CIT: variants seen among roughly 807,000 people sequenced by gnomAD.
CIT encodes the protein citron rho-interacting serine/threonine kinase.
Under a neutral mutation model 272.7 loss-of-function variants are expected in CIT, and 79 were observed. The ratio of observed to expected loss-of-function variants is 0.29; its 90% CI spans 0.24 to 0.35. The LOEUF is 0.35. CIT is among the 10% of genes least tolerant of loss of function. The probability of loss-of-function intolerance (pLI) is 1.00; values close to 1 mark genes in which losing one functional copy is unlikely to be tolerated. For synonymous variants in CIT, 948 were observed against 995.6 expected (o/e 0.95, Z 0.90); for missense variants, 1,909 against 2,618.3 (o/e 0.73, Z 5.91).
intron 10 of CIT, among the ~76,000 whole-genome samples, chr12:119,785,854 A>G (rs555022908): frequency 6.6e-6 from 1 of 152,244 alleles, no homozygotes; most frequent in South Asian, 2.1e-4. Context: ...TGCTGGGATT[A>G]CAGGCTTGAG....
chr12:119,844,428 G>A (rs1969648740), intron 5 of CIT, among the ~76,000 whole-genome samples: 2 of 152,026 alleles, frequency 1.3e-5, no homozygotes, highest in Admixed American at 6.6e-5. Flanking sequence ...ACACTAAAGG[G>A]AATGAATAAA....
intron 37 of CIT, chr12:119,711,184 G>T: frequency 9.7e-7 from 1 of 1,032,590 alleles, no homozygotes. Context: ...ACTGAGTAAA[G>T]CCCTTTTCAG....
rs189457822 is a variant in CIT, at chr12:119,718,724, G to A, written c.3978C>T (p.Ile1326=). The change falls in exon 31 of 48, where the codon ATC becomes ATT. Residue 1326 remains isoleucine, a synonymous_variant. Transcript: ENST00000392521. The surrounding 1 kb of genome is among the most constrained non-coding windows in gnomAD (Gnocchi z 4.8). ...CTTCCTCCCGGGCGGACCGGAGCTC[G>A]ATGCGGGTCTTCTGAAGGGCTTCCT... ...ELEEALQKTR[I]ELRSAREEAA... 33 of 1,613,738 alleles carry A rather than the reference G, an allele frequency of 2.0e-5. No individual in the cohort carries two copies. Among genetic ancestry groups the A allele is most frequent in the East Asian group, 6.7e-5 (3 of 44,882 alleles).
chr12:119,840,956 T>C (rs1334781939), intron 5 of CIT, among the ~76,000 whole-genome samples: 1 of 152,152 alleles, frequency 6.6e-6, no homozygotes, highest in Non-Finnish European at 1.5e-5. Flanking sequence ...CACTTTCAAA[T>C]TGTTCCTATA....
chr12:119,797,137 G>A (rs552264363), intron 10 of CIT, among the ~76,000 whole-genome samples: 121 of 152,356 alleles, frequency 7.9e-4, no homozygotes, highest in Non-Finnish European at 1.5e-3. Flanking sequence ...GGAACATGTA[G>A]CGCCATTTAG....
intron 5 of CIT, among the ~76,000 whole-genome samples, chr12:119,846,274 G>C (rs982616308): frequency 6.6e-6 from 1 of 152,248 alleles, no homozygotes; most frequent in African/African-American, 2.4e-5. Context: ...ATCCTCAACT[G>C]AGTTCCTTCA....
At position 119,701,933 on chromosome 12, in the gene CIT, C is replaced by A; in HGVS notation, c.5330G>T (p.Ser1777Ile). The part of the protein sequence containing the change: ...RKEIETSEPC[S>I]CIHFTNYSIL... The stretch of plus-strand genomic sequence containing the variant: ...ACTGTAATTGGTGAAGTGGATACAG[C>A]TGCAGGGCTCTGAGGTCTCTATCTC... Residue 1777 changes from serine to isoleucine, a missense_variant, in exon 42 of 48, where the codon AGC becomes ATC. Transcript: ENST00000392521. The A allele has an allele frequency of 6.2e-7, 1 of 1,613,848 alleles. No individual in the cohort carries two copies. Among genetic ancestry groups the A allele is most frequent in the Non-Finnish European group, 8.5e-7 (1 of 1,179,780 alleles).
chr12:119,788,320 T>G (rs927658333), intron 10 of CIT, among the ~76,000 whole-genome samples: 19 of 152,206 alleles, frequency 1.2e-4, no homozygotes, highest in Admixed American at 1.2e-3. Context: ...CTATTTCCTT[T>G]ATTCCTAATT....
chr12:119,875,453 T>G (rs563455692), intron 2 of CIT, among the ~76,000 whole-genome samples: 1 of 152,222 alleles, frequency 6.6e-6, no homozygotes, highest in East Asian at 1.9e-4. Context: ...TATAAAACTC[T>G]AAATAGAGGG....
intron 5 of CIT, among the ~76,000 whole-genome samples, chr12:119,836,662 G>A (rs987323545): frequency 7.2e-5 from 11 of 152,028 alleles, no homozygotes; most frequent in East Asian, 1.9e-4. Flanking sequence ...ATGACGACAC[G>A]CCACAGTTAT....
rs1955880139 is a variant in CIT at position 119,690,504 on chromosome 12, G to A, written c.5883-50C>T. 2 of 1,495,454 alleles carry A rather than the reference G, an allele frequency of 1.3e-6. No individual in the cohort carries two copies. Among genetic ancestry groups the A allele is most frequent in the Non-Finnish European group, 1.8e-6 (2 of 1,131,502 alleles). The allele number at this position is 1,495,454 out of a possible 1,614,324, so 92.6% of individuals were successfully genotyped here. ...GAGCTGCGAGGCCACAACCCCAGAG[G>A]GGCATTTTCCTTCTTACCTGAGCAA... is the stretch of plus-strand genomic sequence containing the variant. On this transcript the variant is annotated intron_variant, in intron 46 of 47. Transcript: ENST00000392521. This position sits in a 1 kb window ranked among gnomAD's most constrained non-coding sequence, Gnocchi z 6.0.
intron 20 of CIT, among the ~76,000 whole-genome samples, chr12:119,759,929 G>A (rs981521300): frequency 2.0e-5 from 3 of 151,984 alleles, no homozygotes; most frequent in Non-Finnish European, 4.4e-5. Flanking sequence ...GCTCGTACCT[G>A]TAATCCCAGC....
intron 10 of CIT, among the ~76,000 whole-genome samples, chr12:119,793,415 T>C (rs996442421): frequency 6.6e-6 from 1 of 152,186 alleles, no homozygotes; most frequent in Non-Finnish European, 1.5e-5. Flanking sequence ...GATCCAACTC[T>C]TGTCCCTCAC....
rs759398274 is a variant in CIT at position 119,718,692 on chromosome 12, C to A, written c.4003+7G>T. ...CCTTGAGCATTTTGGAGAGAGTGAG[C>A]CCCTACCTTCCTCCCGGGCGGACCG... On this transcript the variant is annotated splice_region_variant and intron_variant, in intron 31 of 47. Coordinates refer to ENST00000392521, the MANE Select transcript of CIT (RefSeq NM_001206999.2). This position sits in a 1 kb window ranked among gnomAD's most constrained non-coding sequence, Gnocchi z 4.8. 1 of 1,612,546 alleles carries A rather than the reference C, an allele frequency of 6.2e-7. No individual in the cohort carries two copies. The highest frequency in any genetic ancestry group is 1.3e-5 in the African/African-American group (1 of 74,846).
At chr12:119,754,542 G>A (rs906956918) in intron 22 of CIT, among the ~76,000 whole-genome samples, 2 of 152,170 alleles carry the variant, frequency 1.3e-5, no homozygotes, top group South Asian at 2.1e-4. Flanking sequence ...GGAAGAACCC[G>A]GGAGCCTGCA....
chr12:119,859,542 C>T (rs543112657), intron 3 of CIT, among the ~76,000 whole-genome samples: 33 of 151,890 alleles, frequency 2.2e-4, no homozygotes, highest in African/African-American at 7.5e-4. Flanking sequence ...AATGGCTGGG[C>T]GCAGTAGCTC....
At chr12:119,778,104 G>C (rs917224642) in intron 13 of CIT, among the ~76,000 whole-genome samples, 4 of 152,218 alleles carry the variant, frequency 2.6e-5, no homozygotes, top group Non-Finnish European at 4.4e-5. Context: ...ATCTGGAAGA[G>C]TCACAAAACA....
intron 4 of CIT, among the ~76,000 whole-genome samples, chr12:119,857,215 T>C (rs1950196846): frequency 6.6e-6 from 1 of 152,116 alleles, no homozygotes; most frequent in Admixed American, 6.6e-5. Flanking sequence ...ATATCCTGAG[T>C]CCTCAGCTAA....
chr12:119,690,334 G>T lies in CIT; in HGVS notation c.6003C>A (p.Tyr2001Ter). Residue 2001 changes from tyrosine (Y) to a stop codon, truncating the protein, a stop_gained, in exon 47 of 48, where the codon TAC (tyrosine) becomes TAA (stop). Transcript: ENST00000392521. LOFTEE classifies it high-confidence loss of function. This position sits in a 1 kb window ranked among gnomAD's most constrained non-coding sequence, Gnocchi z 6.0. ...HPREPSTPHR[Y>*]REGRTELRRD... The stretch of plus-strand genomic sequence containing the variant: ...TGCGCAGCTCGGTCCGCCCCTCGCG[G>T]TAGCGGTGGGGTGTGCTTGGCTCTC... 6.3e-7 allele frequency: 1 copy of T among 1,597,012 alleles called. No homozygotes were observed.
Sources: gnomAD v4.1 joint callset for allele counts (sites outside exome capture counted in the v4.1 genomes callset) on GRCh38, gnomAD v4.1.1 for gene constraint, Gnocchi (gnomAD v3.1) non-coding constraint, MANE v1.5 for transcripts, NCBI Gene and HGNC (gene_info 2026-07-23, HGNC 2026-07-21) for gene names.